Variants in SCAMP1 observed in about 807,000 individuals in gnomAD.
SCAMP1 encodes the protein secretory carrier-associated membrane protein 1.
Under a neutral mutation model 41.8 loss-of-function variants are expected in SCAMP1, and 15 were observed. The ratio of observed to expected loss-of-function variants is 0.36; its 90% CI spans 0.24 to 0.55. SCAMP1 has a LOEUF of 0.55. Ranked by LOEUF, SCAMP1 falls within the 20% of genes least tolerant of loss-of-function variation. SCAMP1 has a pLI of 0.86. For missense variants in SCAMP1, 341 were observed against 412.6 expected (o/e 0.83, Z 1.50); for synonymous variants, 135 against 136.8 (o/e 0.99, Z 0.09).
intron 6 of SCAMP1, among the ~76,000 whole-genome samples, chr5:78,447,867 C>T (rs1013631622): frequency 5.6e-5 from 6 of 106,922 alleles, no homozygotes; most frequent in Non-Finnish European, 1.2e-4. Flanking sequence ...CCCTGCCCCC[C>T]TTCCCCTACC....
rs891228281 is a variant in SCAMP1 at position 78,453,048 on chromosome 5, T to A, written c.734+3014T>A. Among the ~76,000 whole-genome samples, 54 of 148,210 alleles carry A rather than the reference T, an allele frequency of 3.6e-4. 1 individual carries two copies. Among genetic ancestry groups the A allele is most frequent in the Non-Finnish European group, 1.0e-4 (7 of 66,698 alleles). ...GATGGGGTTGTTTGTTTTTTTCTTGTAAATTTGTTTGAGTTCATTGTAGAT... is the reference window on the plus strand; with the variant it reads ...GATGGGGTTGTTTGTTTTTTTCTTGAAAATTTGTTTGAGTTCATTGTAGAT... On this transcript the variant is annotated intron_variant, in intron 7 of 8. Coordinates refer to ENST00000621999, the MANE Select transcript of SCAMP1 (RefSeq NM_004866.6).
At chr5:78,382,811 G>T (rs1243100831) in intron 1 of SCAMP1, among the ~76,000 whole-genome samples, 1 of 69,208 alleles carries the variant, frequency 1.4e-5, no homozygotes, top group African/African-American at 4.0e-5. Context: ...GTGTGTGTGT[G>T]TGTGTGTGCG....
Position 78,425,239 on chromosome 5 carries a change from G to A in SCAMP1, c.632+3279G>A, listed in dbSNP as rs186460903. 2.6e-3 allele frequency among the ~76,000 whole-genome samples: 395 copies of A among 152,222 alleles called. 1 individual carries two copies. The highest frequency in any genetic ancestry group is 4.5e-3 in the Non-Finnish European group (305 of 68,014). On this transcript the variant is annotated intron_variant, in intron 6 of 8. Transcript: ENST00000621999. ...CTTTCTCCCACTTTTTAATTATGAT[G>A]TATTTAATGCATACCAAAGAATACC...
chr5:78,369,762 A>G (rs1356229729), intron 1 of SCAMP1, among the ~76,000 whole-genome samples: 4 of 152,232 alleles, frequency 2.6e-5, no homozygotes, highest in Non-Finnish European at 4.4e-5. Flanking sequence ...GGAATTAAGT[A>G]TGATCAGTTC....
intron 2 of SCAMP1, among the ~76,000 whole-genome samples, chr5:78,414,113 A>G (rs1266440086): frequency 6.6e-6 from 1 of 151,840 alleles, no homozygotes; most frequent in Non-Finnish European, 1.5e-5. Flanking sequence ...CGAGGGAAGC[A>G]AATAATACAG....
chr5:78,460,791 T>TCCTC (rs1561287096), intron 8 of SCAMP1, among the ~76,000 whole-genome samples: 1 of 47,398 alleles, frequency 2.1e-5, no homozygotes, highest in South Asian at 8.2e-4. Flanking sequence ...CTTCCTTCCT[T>TCCTC]CCTTCCTTCC....
Position 78,478,996 on chromosome 5 carries a change from T to C in SCAMP1, c.*3328T>C, listed in dbSNP as rs1041112626. The C allele has an allele frequency of 6.6e-6, 1 of 152,342 alleles. No homozygotes were observed. The highest frequency in any genetic ancestry group is 6.5e-5 in the Admixed American group (1 of 15,310). 9.4% of individuals were successfully genotyped at this position (152,342 alleles called of 1,614,324 possible). ...AGTTGTTTCTGTAAATCATTTGTAA[T>C]AGCATAGTGCTTTTTACTCATTGCT... On this transcript the variant is annotated 3_prime_UTR_variant, in exon 9 of 9. Transcript: ENST00000621999.
At chr5:78,438,732 G>A (rs932366442) in intron 6 of SCAMP1, among the ~76,000 whole-genome samples, 2 of 152,128 alleles carry the variant, frequency 1.3e-5, no homozygotes, top group Non-Finnish European at 2.9e-5. Flanking sequence ...TATCAGGTCC[G>A]CTTGGTGCAG....
At chr5:78,401,382 C>T (rs552589624) in intron 2 of SCAMP1, among the ~76,000 whole-genome samples, 1 of 152,092 alleles carries the variant, frequency 6.6e-6, no homozygotes, top group East Asian at 1.9e-4. Flanking sequence ...TTCTTTCCTC[C>T]GATTGAGACT....
At chr5:78,467,694 G>A (rs921906007) in intron 8 of SCAMP1, among the ~76,000 whole-genome samples, 3 of 152,098 alleles carry the variant, frequency 2.0e-5, no homozygotes, top group African/African-American at 7.2e-5. Flanking sequence ...TGTGAAATAA[G>A]GAGTTTAGAT....
At chr5:78,443,737 G>A (rs961422931) in intron 6 of SCAMP1, among the ~76,000 whole-genome samples, 1 of 125,270 alleles carries the variant, frequency 8.0e-6, no homozygotes, top group African/African-American at 3.1e-5. Context: ...ATTGTTCATT[G>A]CTGCTTTATT....
chr5:78,441,491 A>C (rs974479121), intron 6 of SCAMP1, among the ~76,000 whole-genome samples: 1 of 152,226 alleles, frequency 6.6e-6, no homozygotes, highest in Non-Finnish European at 1.5e-5. Context: ...AAGAGAATTA[A>C]TATTAAACTT....
chr5:78,360,690 A>G lies in SCAMP1; in HGVS notation c.19A>G (p.Asn7Asp). 1 of 1,610,722 alleles carries G rather than the reference A, an allele frequency of 6.2e-7. No individual in the cohort carries two copies. The highest frequency in any genetic ancestry group is 8.5e-7 in the Non-Finnish European group (1 of 1,178,626). MSDFDSNPFADPDLNNP... is the reference protein window; with the variant it reads MSDFDSDPFADPDLNNP... ...CAGAGAGATGTCGGATTTCGACAGT[A>G]ACCCGTTTGCCGACCCGGATCTCAA... is the stretch of plus-strand genomic sequence containing the variant. Residue 7 changes from asparagine (N) to aspartate (D), a missense_variant, in exon 1 of 9, where the codon AAC (asparagine) becomes GAC (aspartate). Coordinates refer to ENST00000621999, the MANE Select transcript of SCAMP1 (RefSeq NM_004866.6).
chr5:78,424,937 G>T (rs73133707), intron 6 of SCAMP1, among the ~76,000 whole-genome samples: 256 of 152,308 alleles, frequency 1.7e-3, no homozygotes, highest in African/African-American at 5.9e-3. Context: ...AAAAAGCTGT[G>T]CGGTTCTGAG....
intron 2 of SCAMP1, among the ~76,000 whole-genome samples, chr5:78,392,764 A>G (rs1351351679): frequency 1.3e-5 from 2 of 152,188 alleles, no homozygotes; most frequent in Non-Finnish European, 2.9e-5. Flanking sequence ...TAAATATTAA[A>G]TATTCCTTTG....
chr5:78,399,826 A>T (rs1172940789), intron 2 of SCAMP1, among the ~76,000 whole-genome samples: 1 of 152,110 alleles, frequency 6.6e-6, no homozygotes, highest in South Asian at 2.1e-4. Flanking sequence ...TCTTTCAGGG[A>T]TCATGCCATT....
intron 7 of SCAMP1, among the ~76,000 whole-genome samples, chr5:78,454,240 A>AG (rs1256507875): frequency 2.0e-5 from 3 of 152,130 alleles, no homozygotes; most frequent in Non-Finnish European, 4.4e-5. Flanking sequence ...GTGGTGAGAG[A>AG]GGGCATCCCT....
At chr5:78,406,785 T>C (rs1266942846) in intron 2 of SCAMP1, among the ~76,000 whole-genome samples, 1 of 152,222 alleles carries the variant, frequency 6.6e-6, no homozygotes, top group African/African-American at 2.4e-5. Context: ...AAGCATGTAG[T>C]CTATTCCCAG....
chr5:78,454,757 G>A (rs1398810275), intron 7 of SCAMP1, among the ~76,000 whole-genome samples: 7 of 152,164 alleles, frequency 4.6e-5, no homozygotes, highest in Non-Finnish European at 1.0e-4. Context: ...CAGAAGGAAT[G>A]GTACCAGTTC....
Sources: allele counts gnomAD v4.1 joint callset (sites outside exome capture counted in the v4.1 genomes callset), GRCh38; gene constraint gnomAD v4.1.1; transcripts MANE v1.5; gene names NCBI Gene and HGNC (gene_info 2026-07-23, HGNC 2026-07-21).